FBXL5: variants seen among roughly 807,000 people sequenced by gnomAD.
FBXL5 encodes F-box/LRR-repeat protein 5.
Under a neutral mutation model 78.3 loss-of-function variants are expected in FBXL5, and 26 were observed. The observed-to-expected ratio is 0.33, with a 90% CI of 0.24 to 0.46. The LOEUF (loss-of-function observed/expected upper bound fraction) is 0.46. Among genes scored for constraint, FBXL5 ranks in the 20% least tolerant of loss-of-function variants. FBXL5 has a pLI of 1.00. For missense variants in FBXL5, 710 were observed against 829.2 expected (o/e 0.86, Z 1.77); for synonymous variants, 295 against 282.5 (o/e 1.04, Z -0.45).
At chr4:15,632,264 T>C (rs1211781680) in intron 5 of FBXL5, among the ~76,000 whole-genome samples, 3 of 152,166 alleles carry the variant, frequency 2.0e-5, no homozygotes, top group Non-Finnish European at 4.4e-5. Context: ...TTCTGTTCCA[T>C]TGGTCTATAT....
chr4:15,609,906 T>C (rs193095922), intron 10 of FBXL5, among the ~76,000 whole-genome samples: 1 of 152,194 alleles, frequency 6.6e-6, no homozygotes, highest in Admixed American at 6.5e-5. Context: ...TTACTTATCA[T>C]GTATTACTTA....
At chr4:15,637,250 C>T (rs529280437) in intron 4 of FBXL5, among the ~76,000 whole-genome samples, 1 of 152,146 alleles carries the variant, frequency 6.6e-6, no homozygotes, top group African/African-American at 2.4e-5. Flanking sequence ...GCAGGTGAGA[C>T]GACAAAATGT....
chr4:15,670,710 G>GA lies in FBXL5; in HGVS notation c.-284+10672dup, dbSNP rs59482229. Among the ~76,000 whole-genome samples the GA allele has an allele frequency of 4.2e-3, 619 of 148,936 alleles. 4 individuals are homozygous for GA. Among genetic ancestry groups the GA allele is most frequent in the African/African-American group, 0.014 (557 of 40,480 alleles). On this transcript the variant is annotated intron_variant, in intron 1 of 4. Coordinates refer to the FBXL5 transcript ENST00000507899. The stretch of plus-strand genomic sequence containing the variant: ...TTTCTTTTATAACCCTTGAAAAAAG[G>GA]AAAAAAAAAAACATTCTTAGCCTGC...
intron 10 of FBXL5, among the ~76,000 whole-genome samples, chr4:15,611,150 T>C (rs72491268): frequency 6.6e-6 from 1 of 152,118 alleles, no homozygotes; most frequent in East Asian, 1.9e-4. Flanking sequence ...AACAAAGAAA[T>C]GTCCAACTTA....
intron 9 of FBXL5, among the ~76,000 whole-genome samples, chr4:15,624,929 T>A (rs1712875717): frequency 6.6e-6 from 1 of 152,250 alleles, no homozygotes; most frequent in South Asian, 2.1e-4. Context: ...ATTTTCTTGT[T>A]ACATGTTCTT....
At position 15,640,817 on chromosome 4, in the gene FBXL5, A is replaced by G; in HGVS notation, c.367T>C (p.Phe123Leu). 1 of 1,571,070 alleles carries G rather than the reference A, an allele frequency of 6.4e-7. No individual in the cohort carries two copies. The highest frequency in any genetic ancestry group is 8.6e-7 in the Non-Finnish European group (1 of 1,161,464). ...KERLEAFTRD[F>L]LPHMKEEEEV... The stretch of plus-strand genomic sequence containing the variant: ...TCTTCCTCTTTCATGTGAGGAAGAA[A>G]ATCTCTTGTAAAAGCCTCCAATCTC... Residue 123 changes from phenylalanine (F) to leucine (L), a missense_variant, in exon 3 of 11, where the codon TTT (phenylalanine) becomes CTT (leucine). Around this residue, in one of 4 missense-constraint regions of FBXL5, gnomAD observed 132 missense variants for 156.9 expected, o/e 0.84. Coordinates refer to ENST00000341285, the MANE Select transcript of FBXL5 (RefSeq NM_012161.4).
At chr4:15,656,161 G>A (rs944979231), upstream of FBXL5, 70 of 456,030 alleles carry the variant, frequency 1.5e-4, no homozygotes, top group African/African-American at 1.3e-3. Flanking sequence ...AGGTTGGTGC[G>A]GGAAAGAACC....
upstream of FBXL5, among the ~76,000 whole-genome samples, chr4:15,656,923 G>A (rs988647754): frequency 6.7e-6 from 1 of 150,098 alleles, no homozygotes; most frequent in African/African-American, 2.4e-5. Flanking sequence ...TCAAAAATCT[G>A]TCATATAAAT....
intron 1 of FBXL5, among the ~76,000 whole-genome samples, chr4:15,666,762 A>G (rs1279481967): frequency 2.6e-5 from 4 of 152,054 alleles, no homozygotes; most frequent in African/African-American, 9.7e-5. Flanking sequence ...TCAAGGTGAC[A>G]GTGAGCTGTG....
At chr4:15,667,269 A>G (rs928595299) in intron 1 of FBXL5, among the ~76,000 whole-genome samples, 3 of 152,212 alleles carry the variant, frequency 2.0e-5, no homozygotes, top group Non-Finnish European at 2.9e-5. Context: ...GAAAACATGT[A>G]CAAGTACCTA....
chr4:15,647,419 C>T (rs1307029225), intron 1 of FBXL5, among the ~76,000 whole-genome samples: 1 of 152,040 alleles, frequency 6.6e-6, no homozygotes, highest in Non-Finnish European at 1.5e-5. Context: ...ATCTGAGGGA[C>T]TTGAGCATCT....
At position 15,605,805 on chromosome 4, in the gene FBXL5, T is replaced by TTCATCATTCAGA. The variant is rs1428885713; in HGVS notation, c.2000-7_2000-6insTCTGAATGATGA. 48 of 1,602,410 alleles carry TTCATCATTCAGA rather than the reference T, an allele frequency of 3.0e-5. No individual in the cohort carries two copies. The African/African-American group carries it at 7.1e-4, about 24-fold the overall frequency. Reference sequence around the variant, plus strand: ...GGCGGTATCAGCATGAGGACCTGTATGAAAACAGAAAAATGTGAAAGGAGG... The same window carrying TTCATCATTCAGA: ...GGCGGTATCAGCATGAGGACCTGTATTCATCATTCAGAGAAAACAGAAAAATGTGAAAGGAGG... On this transcript the variant is annotated splice_region_variant and splice_polypyrimidine_tract_variant and intron_variant, in intron 10 of 10. Transcript: ENST00000341285.
chr4:15,629,547 C>T (rs1394965057), intron 6 of FBXL5, among the ~76,000 whole-genome samples: 1 of 151,992 alleles, frequency 6.6e-6, no homozygotes, highest in African/African-American at 2.4e-5. Flanking sequence ...TATTGTTTGC[C>T]TCCTGTCTCT....
chr4:15,630,468 T>A (rs936835529), intron 6 of FBXL5, among the ~76,000 whole-genome samples, 198 bp downstream of exon 6: 12 of 152,224 alleles, frequency 7.9e-5, no homozygotes, highest in Non-Finnish European at 5.9e-5. Context: ...CGAGAAATAA[T>A]CCTATGCACT....
At chr4:15,631,435 T>C (rs1713651406) in intron 5 of FBXL5, among the ~76,000 whole-genome samples, 1 of 152,230 alleles carries the variant, frequency 6.6e-6, no homozygotes, top group African/African-American at 2.4e-5. Flanking sequence ...ATATACCCAG[T>C]AATGGGATGG....
intron 1 of FBXL5, among the ~76,000 whole-genome samples, chr4:15,646,198 TA>T (rs1465623586): frequency 6.6e-6 from 1 of 152,208 alleles, no homozygotes; most frequent in East Asian, 1.9e-4. Context: ...TGTATTTCCA[TA>T]AAACTTTATA....
chr4:15,676,008 A>G (rs1212581929), intron 1 of FBXL5, among the ~76,000 whole-genome samples: 1 of 152,228 alleles, frequency 6.6e-6, no homozygotes, highest in Admixed American at 6.5e-5. Flanking sequence ...GGTGAAAAAG[A>G]GCTCTACTTT....
At chr4:15,644,785 C>T in intron 1 of FBXL5, 77 bp from the exon 2 acceptor site, 5 of 1,045,858 alleles carry the variant, frequency 4.8e-6, no homozygotes, top group Non-Finnish European at 6.9e-6. Context: ...AAATACATCC[C>T]TATTCACTTT....
intron 9 of FBXL5, among the ~76,000 whole-genome samples, chr4:15,623,008 A>T (rs1712640505): frequency 1.3e-5 from 2 of 152,222 alleles, no homozygotes; most frequent in South Asian, 4.1e-4. Context: ...ATAATATCAG[A>T]ATTTGTTAAT....
Sources: gnomAD v4.1 joint callset for allele counts (sites outside exome capture counted in the v4.1 genomes callset) on GRCh38, gnomAD v4.1.1 for gene constraint, gnomAD v4.1.1 regional missense constraint, MANE v1.5 for transcripts, NCBI Gene and HGNC (gene_info 2026-07-23, HGNC 2026-07-21) for gene names.